Variants in GALK2 observed in about 807,000 individuals in gnomAD.
The protein encoded by GALK2 is galactokinase 2, also known as N-acetylgalactosamine kinase.
A neutral mutation model predicts 52.4 loss-of-function variants in GALK2; 36 were observed. That is an observed-to-expected ratio of 0.69 (90% confidence interval 0.53 to 0.91). GALK2 has a LOEUF of 0.91. Ranked by LOEUF, GALK2 falls within the 40% of genes least tolerant of loss-of-function variation. GALK2 has a pLI of 0.00. For missense variants in GALK2, 579 were observed against 559.1 expected, an observed-to-expected ratio of 1.04 and a Z score of -0.36; for synonymous variants, 176 against 199.1, an observed-to-expected ratio of 0.88 and a Z score of 0.98.
intron 5 of GALK2, among the ~76,000 whole-genome samples, chr15:49,252,615 C>T (rs2091659074): frequency 6.6e-6 from 1 of 152,046 alleles, no homozygotes; most frequent in Non-Finnish European, 1.5e-5. Context: ...TTCAAGTTTC[C>T]ACTATTATAA....
intron 3 of GALK2, among the ~76,000 whole-genome samples, chr15:49,356,268 A>G (rs2151355137): frequency 6.6e-6 from 1 of 152,148 alleles, no homozygotes; most frequent in South Asian, 2.1e-4. Flanking sequence ...TAAATGCTCC[A>G]ATTAAAAGAC....
At position 49,236,845 on chromosome 15, in the gene GALK2, A is replaced by T. The variant is rs977138303; in HGVS notation, c.357+904A>T. ...TAATGAGCAGCTAGGACTTAGTGGC[A>T]CATCCATTACAGAAATACATCAAAT... On this transcript the variant is annotated intron_variant, in intron 4 of 9. Transcript: ENST00000560031. 5.9e-5 allele frequency among the ~76,000 whole-genome samples: 9 copies of T among 152,258 alleles called. No individual in the cohort carries two copies. The South Asian group carries it at 6.2e-4, about 10-fold the overall frequency.
At chr15:49,171,270 TG>T (rs764875036) in intron 1 of GALK2, among the ~76,000 whole-genome samples, 14 of 151,870 alleles carry the variant, frequency 9.2e-5, no homozygotes, top group Non-Finnish European at 1.9e-4. Flanking sequence ...TCATCAGAGA[TG>T]GGGTTTCTCT....
At chr15:49,309,363 A>G (rs1436397743) in intron 8 of GALK2, among the ~76,000 whole-genome samples, 1 of 152,170 alleles carries the variant, frequency 6.6e-6, no homozygotes, top group Admixed American at 6.5e-5. Context: ...GCTGACTGAT[A>G]TAATTACTAA....
intron 5 of GALK2, among the ~76,000 whole-genome samples, chr15:49,246,037 A>G (rs1332772302): frequency 1.3e-5 from 2 of 152,216 alleles, no homozygotes; most frequent in Non-Finnish European, 2.9e-5. Flanking sequence ...ATGTTTTCCT[A>G]TATAAACACC....
Position 49,329,131 on chromosome 15 carries a change from A to C in GALK2, c.*972A>C. 1.0e-6 allele frequency: 1 copy of C among 991,294 alleles called. No homozygotes were observed. The highest frequency in any genetic ancestry group is 1.7e-5 in the African/African-American group (1 of 57,388). The allele number at this position is 991,294 out of a possible 1,614,324, so 61.4% of individuals were successfully genotyped here. On this transcript the variant is annotated 3_prime_UTR_variant, in exon 10 of 10. Transcript: ENST00000560031. ...CTTGTCTAGCAAAGCTTGTTTGTAT[A>C]TATGCACCCCATTGTAAAGCAGGTA...
Position 49,282,062 on chromosome 15 carries a change from T to C in GALK2, c.580T>C (p.Ser194Pro), listed in dbSNP as rs1270227159. The C allele has an allele frequency of 4.3e-6, 7 of 1,613,234 alleles. No individual in the cohort carries two copies. The highest frequency in any genetic ancestry group is 5.9e-6 in the Non-Finnish European group (7 of 1,179,340). Reference protein sequence around the residue: ...TEGGGMDQSISFLAEEGTAKL... With the variant: ...TEGGGMDQSIPFLAEEGTAKL... ...AGGAGGAGGCATGGACCAGTCTATA[T>C]CATTTCTTGCAGAAGAAGGAACTGT... The change falls in exon 6 of 10, where the codon TCA (serine) becomes CCA (proline). Residue 194 changes from serine (S) to proline (P), a missense_variant. Physicochemically the swap from Ser to Pro is moderately conservative, Grantham distance 74. Coordinates refer to ENST00000560031, the MANE Select transcript of GALK2 (RefSeq NM_002044.4).
intron 9 of GALK2, among the ~76,000 whole-genome samples, chr15:49,326,603 G>C (rs1217334266): frequency 6.6e-6 from 1 of 152,070 alleles, no homozygotes; most frequent in African/African-American, 2.4e-5. Flanking sequence ...TGCCAACCTA[G>C]AAATTTAGAA....
chr15:49,202,329 C>A (rs956417738), intron 2 of GALK2, among the ~76,000 whole-genome samples: 2 of 152,092 alleles, frequency 1.3e-5, no homozygotes, highest in Non-Finnish European at 2.9e-5. Context: ...ACTGACCTCT[C>A]CCTACCTGCC....
At chr15:49,235,807 A>C (rs2141481059) in intron 3 of GALK2, 44 bp from the exon 4 acceptor site, 1 of 1,307,234 alleles carries the variant, frequency 7.6e-7, no homozygotes, top group Non-Finnish European at 1.1e-6. Context: ...TTTGCAGCTC[A>C]AGGCCTACAG....
intron 3 of GALK2, among the ~76,000 whole-genome samples, chr15:49,348,421 A>G (rs936058828): frequency 2.6e-5 from 4 of 152,204 alleles, no homozygotes; most frequent in African/African-American, 9.6e-5. Flanking sequence ...GAAATTTGAT[A>G]TATCACTAAA....
Position 49,254,918 on chromosome 15 carries a change from A to C in GALK2, c.504+15551A>C, listed in dbSNP as rs144090760. Among the ~76,000 whole-genome samples, 18 of 144,476 alleles carry C rather than the reference A, an allele frequency of 1.2e-4. 1 individual carries two copies. The highest frequency in any genetic ancestry group is 4.5e-4 in the African/African-American group (18 of 40,440). The allele number at this position is 144,476 out of a possible 152,430, so 94.8% of individuals were successfully genotyped here. On this transcript the variant is annotated intron_variant, in intron 5 of 9. Coordinates refer to ENST00000560031, the MANE Select transcript of GALK2 (RefSeq NM_002044.4). ...AAATTTCAAAAGGATAGAAGAGGCA[A>C]GAATAGGCAATGAACATGTATGTCT...
At chr15:49,264,573 C>T (rs532571454) in intron 5 of GALK2, among the ~76,000 whole-genome samples, 2 of 152,168 alleles carry the variant, frequency 1.3e-5, no homozygotes, top group Admixed American at 6.5e-5. Context: ...TCTCTCAGCT[C>T]GTCAAAGTCA....
intron 5 of GALK2, among the ~76,000 whole-genome samples, chr15:49,279,897 G>A (rs1393115524): frequency 1.3e-5 from 2 of 152,200 alleles, no homozygotes; most frequent in Non-Finnish European, 2.9e-5. Flanking sequence ...TATGAACAAT[G>A]CCTATTGCAT....
chr15:49,359,587 C>CTG (rs1412984959), intron 3 of GALK2, among the ~76,000 whole-genome samples: 1 of 118,262 alleles, frequency 8.5e-6, no homozygotes, highest in Non-Finnish European at 1.9e-5. Context: ...AGTCAGGAAA[C>CTG]AACAGGTGCT....
downstream of GALK2, among the ~76,000 whole-genome samples, chr15:49,333,754 T>A (rs2039224788): frequency 6.6e-6 from 1 of 152,226 alleles, no homozygotes; most frequent in Non-Finnish European, 1.5e-5. Context: ...TACTTCTTAT[T>A]CTGCACGTGC....
At chr15:49,171,352 G>C (rs761020859) in intron 1 of GALK2, among the ~76,000 whole-genome samples, 7 of 152,220 alleles carry the variant, frequency 4.6e-5, no homozygotes, top group Middle Eastern at 3.4e-3. Flanking sequence ...AAAGTGCTGG[G>C]ATTACAGACG....
chr15:49,297,813 G>T (rs1372660719), intron 8 of GALK2, among the ~76,000 whole-genome samples: 2 of 152,106 alleles, frequency 1.3e-5, no homozygotes, highest in African/African-American at 4.8e-5. Flanking sequence ...TGCTGTTTTG[G>T]TTACTGTAGC....
intron 1 of GALK2, chr15:49,178,299 A>G (rs1237502900): frequency 2.3e-5 from 3 of 131,118 alleles, no homozygotes; most frequent in African/African-American, 7.8e-5. Context: ...ATATACATGT[A>G]CATATATGTA....
Sources: allele counts gnomAD v4.1 joint callset (sites outside exome capture counted in the v4.1 genomes callset), GRCh38; gene constraint gnomAD v4.1.1; transcripts MANE v1.5; gene names NCBI Gene and HGNC (gene_info 2026-07-23, HGNC 2026-07-21).